NCKAP5: variants seen among roughly 807,000 people sequenced by gnomAD.
NCKAP5 encodes NCK associated protein 5.
In NCKAP5, 92 loss-of-function variants were observed where a neutral mutation model predicts 167.0. The observed-to-expected ratio is 0.55, with a 90% CI of 0.47 to 0.66. The LOEUF (loss-of-function observed/expected upper bound fraction) is 0.66. Among genes scored for constraint, NCKAP5 ranks in the 30% least tolerant of loss-of-function variants. The probability of loss-of-function intolerance (pLI) is 0.00; values close to 1 mark genes in which losing one functional copy is unlikely to be tolerated. For synonymous variants in NCKAP5, 891 were observed against 877.4 expected (o/e 1.02, Z -0.27); for missense variants, 2,378 against 2,315.0 (o/e 1.03, Z -0.56).
rs1296944857 is a variant in NCKAP5, at chr2:132,895,179, A to G, written c.580-16263T>C. On this transcript the variant is annotated intron_variant, in intron 8 of 19. Coordinates refer to ENST00000409261, the MANE Select transcript of NCKAP5 (RefSeq NM_207363.3). ...ACCCCGTCTCTACTAAAAATACAAA[A>G]AATTAGCCGGGCGTGGTGGCGGGCG... 2.6e-5 allele frequency among the ~76,000 whole-genome samples: 4 copies of G among 151,710 alleles called. No homozygotes were observed. In the East Asian group the frequency reaches 5.9e-4, roughly 22 times the overall value.
At position 132,776,697 on chromosome 2, in the gene NCKAP5, TA is replaced by T. The variant is rs567375261; in HGVS notation, c.5050-2804del. 1.7e-4 allele frequency among the ~76,000 whole-genome samples: 26 copies of T among 152,224 alleles called. No individual in the cohort carries two copies. The East Asian group carries it at 4.6e-3, about 27-fold the overall frequency. The stretch of plus-strand genomic sequence containing the variant: ...ATTTCAATGCAAAGTGGTGAGTAAT[TA>T]AAAAAAATCCATTTGCCTATGGAAA... On this transcript the variant is annotated intron_variant, in intron 15 of 19. Coordinates refer to ENST00000409261, the MANE Select transcript of NCKAP5 (RefSeq NM_207363.3).
chr2:133,499,660 A>C (rs1682312596), intron 3 of NCKAP5, among the ~76,000 whole-genome samples: 1 of 152,180 alleles, frequency 6.6e-6, no homozygotes, highest in Non-Finnish European at 1.5e-5. Context: ...CCCGGGTTCA[A>C]GTGATTCTCC....
At chr2:132,923,214 C>G (rs1695580206) in intron 8 of NCKAP5, among the ~76,000 whole-genome samples, 1 of 152,240 alleles carries the variant, frequency 6.6e-6, no homozygotes, top group Admixed American at 6.5e-5. Context: ...AACTCCATCA[C>G]TGCTGTTGCT....
At chr2:133,390,957 T>C (rs1174754178) in intron 3 of NCKAP5, among the ~76,000 whole-genome samples, 1 of 152,248 alleles carries the variant, frequency 6.6e-6, no homozygotes, top group African/African-American at 2.4e-5. Context: ...CTCATTTTTA[T>C]GTATTAAGAA....
At chr2:133,055,269 C>T (rs564115404) in intron 6 of NCKAP5, among the ~76,000 whole-genome samples, 58 of 151,894 alleles carry the variant, frequency 3.8e-4, no homozygotes, top group Admixed American at 3.5e-3. Context: ...GAATAGAAAA[C>T]AGGTATCAAA....
intron 4 of NCKAP5, among the ~76,000 whole-genome samples, chr2:133,294,110 A>G (rs1035223737): frequency 6.6e-6 from 1 of 152,206 alleles, no homozygotes; most frequent in Non-Finnish European, 1.5e-5. Context: ...TTTGTTTGCT[A>G]CACATTCTCT....
intron 8 of NCKAP5, among the ~76,000 whole-genome samples, chr2:132,890,226 G>T (rs1692585822): frequency 6.6e-6 from 1 of 152,172 alleles, no homozygotes; most frequent in Non-Finnish European, 1.5e-5. Context: ...AGCCAAAAAT[G>T]TGCTGCTTTA....
intron 8 of NCKAP5, among the ~76,000 whole-genome samples, chr2:132,927,917 G>A (rs1270124613): frequency 6.6e-6 from 1 of 152,116 alleles, no homozygotes; most frequent in African/African-American, 2.4e-5. Flanking sequence ...AAGAGACAGA[G>A]CCATATTTTC....
chr2:133,036,164 G>T lies in NCKAP5; in HGVS notation c.342-41925C>A, dbSNP rs1203565218. 2.5e-3 allele frequency among the ~76,000 whole-genome samples: 378 copies of T among 151,930 alleles called. 2 individuals are homozygous for T. The highest frequency in any genetic ancestry group is 8.1e-3 in the African/African-American group (335 of 41,520). On this transcript the variant is annotated intron_variant, in intron 6 of 19. Transcript: ENST00000409261. ...TGAACAGACCAATAACAAATAACAA[G>T]ATCGATGCCACAATAAAAATCTTCC...
At chr2:133,548,721 G>C (rs1686984509) in intron 2 of NCKAP5, among the ~76,000 whole-genome samples, 1 of 152,208 alleles carries the variant, frequency 6.6e-6, no homozygotes, top group Non-Finnish European at 1.5e-5. Context: ...AAGAGCTCCT[G>C]AAGGAAGCGC....
rs571705437 is a variant in NCKAP5, at chr2:132,933,139, A to C, written c.579+30581T>G. ...ACGGGGTTTCACCGTGTTAGCCAGG[A>C]TGGTCTCGATCTTCTGACCTCATGA... is the stretch of plus-strand genomic sequence containing the variant. On this transcript the variant is annotated intron_variant, in intron 8 of 19. Coordinates refer to ENST00000409261, the MANE Select transcript of NCKAP5 (RefSeq NM_207363.3). Among the ~76,000 whole-genome samples, 38 of 152,024 alleles carry C rather than the reference A, an allele frequency of 2.5e-4. 1 individual carries two copies. Among genetic ancestry groups the C allele is most frequent in the Middle Eastern group, 3.4e-3 (1 of 292 alleles).
At chr2:133,238,622 T>C (rs936461016) in intron 4 of NCKAP5, among the ~76,000 whole-genome samples, 1 of 152,154 alleles carries the variant, frequency 6.6e-6, no homozygotes, top group African/African-American at 2.4e-5. Context: ...GACTCCAAAA[T>C]CTTTTTAAGC....
At chr2:133,473,135 C>T (rs1382995584) in intron 3 of NCKAP5, among the ~76,000 whole-genome samples, 1 of 152,086 alleles carries the variant, frequency 6.6e-6, no homozygotes, top group Non-Finnish European at 1.5e-5. Context: ...AGATCGAGAC[C>T]ATCCTGGCCA....
At chr2:133,293,597 G>A (rs1445647693) in intron 4 of NCKAP5, among the ~76,000 whole-genome samples, 1 of 152,170 alleles carries the variant, frequency 6.6e-6, no homozygotes, top group Non-Finnish European at 1.5e-5. Context: ...ACACTCCCTT[G>A]CTTCTCTAAA....
rs140000748 is a variant in NCKAP5 at position 133,216,915 on chromosome 2, C to G, written c.144-3136G>C. ...TTGATTTCCAAAGTATGTGCATGTACTACTTTGATTAAAAAACTTCGCAAA... is the reference window on the plus strand; with the variant it reads ...TTGATTTCCAAAGTATGTGCATGTAGTACTTTGATTAAAAAACTTCGCAAA... On this transcript the variant is annotated intron_variant, in intron 4 of 19. Coordinates refer to ENST00000409261, the MANE Select transcript of NCKAP5 (RefSeq NM_207363.3). Among the ~76,000 whole-genome samples the G allele has an allele frequency of 1.6e-4, 25 of 152,178 alleles. No homozygotes were observed. The East Asian group carries it at 4.8e-3, about 29-fold the overall frequency.
intron 11 of NCKAP5, among the ~76,000 whole-genome samples, chr2:132,804,402 T>C (rs1299810028): frequency 1.3e-5 from 2 of 152,154 alleles, no homozygotes; most frequent in African/African-American, 4.8e-5. Flanking sequence ...TGCTTTCCAA[T>C]TGCCCCCGCT....
intron 3 of NCKAP5, among the ~76,000 whole-genome samples, chr2:133,393,387 T>C (rs1687544313): frequency 6.6e-6 from 1 of 152,164 alleles, no homozygotes; most frequent in African/African-American, 2.4e-5. Context: ...TTATTTCACA[T>C]TGATCCACAC....
chr2:133,626,406 C>T, the NCKAP5 span, among the ~76,000 whole-genome samples: 1 of 152,022 alleles, frequency 6.6e-6, no homozygotes, highest in Admixed American at 6.6e-5. Context: ...AAGATCTAGA[C>T]TGTAAAAAAC....
chr2:132,697,775 G>A (rs947831106), intron 19 of NCKAP5, among the ~76,000 whole-genome samples: 2 of 152,182 alleles, frequency 1.3e-5, no homozygotes, highest in Non-Finnish European at 1.5e-5. Flanking sequence ...AAGAAATATA[G>A]AGAAATGGCT....
Sources: gnomAD v4.1 joint callset for allele counts (sites outside exome capture counted in the v4.1 genomes callset) on GRCh38, gnomAD v4.1.1 for gene constraint, MANE v1.5 for transcripts, NCBI Gene and HGNC (gene_info 2026-07-23, HGNC 2026-07-21) for gene names.